Variants in TSGA10 observed in about 807,000 individuals in gnomAD.
The protein encoded by TSGA10 is testis specific 10.
In TSGA10, 43 loss-of-function variants were observed where a neutral mutation model predicts 96.6. That is an observed-to-expected ratio of 0.44 (90% CI 0.35 to 0.57). The LOEUF is 0.57. TSGA10 is among the 20% of genes least tolerant of loss of function. The probability of loss-of-function intolerance (pLI) is 0.01; values close to 1 mark genes in which losing one functional copy is unlikely to be tolerated. For missense variants in TSGA10, 703 were observed against 834.4 expected, an observed-to-expected ratio of 0.84 and a Z score of 1.94; for synonymous variants, 229 against 269.9, an observed-to-expected ratio of 0.85 and a Z score of 1.48.
At chr2:99,028,898 T>C (rs2080892095) in intron 17 of TSGA10, among the ~76,000 whole-genome samples, 1 of 152,222 alleles carries the variant, frequency 6.6e-6, no homozygotes, top group East Asian at 1.9e-4. Flanking sequence ...AAGGATATAA[T>C]GCAAAATGTG....
intron 17 of TSGA10, among the ~76,000 whole-genome samples, chr2:99,024,977 T>G (rs972113723): frequency 6.6e-6 from 1 of 152,250 alleles, no homozygotes; most frequent in Non-Finnish European, 1.5e-5. Flanking sequence ...CCAGCATTCA[T>G]GGAATAAACC....
At chr2:99,117,465 G>A (rs1212443720) in intron 4 of TSGA10, 79 bp downstream of exon 4, 21 of 612,014 alleles carry the variant, frequency 3.4e-5, no homozygotes, top group Non-Finnish European at 4.3e-5. Context: ...AAATGAGAAT[G>A]CTACTTTTTC....
At chr2:99,117,268 G>C (rs536822638) in intron 4 of TSGA10, 1 of 152,216 alleles carries the variant, frequency 6.6e-6, no homozygotes, top group African/African-American at 2.4e-5. Flanking sequence ...AGAGGAATTG[G>C]GAAGTGGGAG....
intron 10 of TSGA10, among the ~76,000 whole-genome samples, chr2:99,090,498 C>A (rs1280976146): frequency 1.3e-5 from 2 of 151,970 alleles, no homozygotes; most frequent in South Asian, 4.2e-4. Context: ...CAGAAAAGGG[C>A]AAAGTGTAAT....
intron 10 of TSGA10, among the ~76,000 whole-genome samples, chr2:99,099,996 A>C (rs2090508380): frequency 6.6e-6 from 1 of 152,196 alleles, no homozygotes. Context: ...ACCTCTCTAC[A>C]CACAAAAAAT....
At chr2:99,119,524 T>G (rs1198551612) in intron 2 of TSGA10, among the ~76,000 whole-genome samples, 3 of 152,164 alleles carry the variant, frequency 2.0e-5, no homozygotes, top group Non-Finnish European at 4.4e-5. Flanking sequence ...TTAGGGGAGT[T>G]ATTGAAATGT....
chr2:99,074,953 C>CAA (rs747521749), intron 12 of TSGA10, among the ~76,000 whole-genome samples: 5 of 110,996 alleles, frequency 4.5e-5, no homozygotes, highest in Non-Finnish European at 7.7e-5. Context: ...GACTCCGTCT[C>CAA]AAAAAAAAAA....
chr2:99,107,025 G>A (rs529609771), intron 7 of TSGA10, among the ~76,000 whole-genome samples: 2 of 152,218 alleles, frequency 1.3e-5, no homozygotes, highest in South Asian at 2.1e-4. Flanking sequence ...ACCTGAGTGT[G>A]CTATCATTAT....
intron 20 of TSGA10, among the ~76,000 whole-genome samples, chr2:99,007,386 T>C (rs2078596969): frequency 6.6e-6 from 1 of 152,130 alleles, no homozygotes; most frequent in African/African-American, 2.4e-5. Context: ...GAGATATATT[T>C]AAAATGCAGT....
chr2:99,081,151 T>C lies in TSGA10; in HGVS notation c.727+131A>G, dbSNP rs1205517574. ...GTCAAAGAAAAATGAATTTCTCTAC[T>C]ATTTTTTATTCATAAACTTAGTTAA... On this transcript the variant is annotated intron_variant, in intron 11 of 20. Coordinates refer to ENST00000393483, the MANE Select transcript of TSGA10 (RefSeq NM_025244.4). 1.6e-5 allele frequency: 7 copies of C among 429,486 alleles called. No individual in the cohort carries two copies. The East Asian group carries it at 2.3e-4, about 14-fold the overall frequency. The allele number at this position is 429,486 out of a possible 1,614,324, so 26.6% of individuals were successfully genotyped here. A position where few individuals can be genotyped will look rare whatever the true frequency, so the allele number is the denominator to read the frequency against.
chr2:99,078,271 GAAA>G (rs200891345), intron 12 of TSGA10, among the ~76,000 whole-genome samples: 2 of 81,462 alleles, frequency 2.5e-5, no homozygotes, highest in Admixed American at 1.4e-4. Context: ...ACTCCCGTTT[GAAA>G]AAAAAAAAAA....
Position 99,108,813 on chromosome 2 carries a change from T to C in TSGA10, c.210+20A>G. The stretch of plus-strand genomic sequence containing the variant: ...GAACTCAATGTTATTACTTATATAA[T>C]TTGTTTTTTGTAAGTTTACCTGTTC... On this transcript the variant is annotated intron_variant, in intron 7 of 20. Coordinates refer to ENST00000393483, the MANE Select transcript of TSGA10 (RefSeq NM_025244.4). 6.6e-7 allele frequency: 1 copy of C among 1,504,864 alleles called. No individual in the cohort carries two copies. The allele number at this position is 1,504,864 out of a possible 1,614,324, so 93.2% of individuals were successfully genotyped here.
intron 4 of TSGA10, among the ~76,000 whole-genome samples, chr2:99,113,752 G>C (rs1375783623): frequency 2.0e-5 from 3 of 150,298 alleles, no homozygotes; most frequent in Admixed American, 2.0e-4. Context: ...TCATCATATT[G>C]GTCAGGCTGG....
At chr2:99,144,298 G>T (rs1292502857) in intron 1 of TSGA10, among the ~76,000 whole-genome samples, 1 of 152,022 alleles carries the variant, frequency 6.6e-6, no homozygotes, top group Non-Finnish European at 1.5e-5. Context: ...TGGGATTACA[G>T]GCATGAGCCA....
intron 16 of TSGA10, among the ~76,000 whole-genome samples, chr2:99,059,913 C>CAAAA (rs35460548): frequency 3.7e-5 from 2 of 54,440 alleles, no homozygotes; most frequent in Admixed American, 2.0e-4. Context: ...GACCCCATCT[C>CAAAA]AAAAAAAAAA....
intron 1 of TSGA10, among the ~76,000 whole-genome samples, chr2:99,140,205 T>C (rs975368469): frequency 6.6e-6 from 1 of 152,254 alleles, no homozygotes; most frequent in African/African-American, 2.4e-5. Flanking sequence ...CTGAAGAGTT[T>C]GGCTCATTAA....
chr2:99,005,875 T>C (rs961217845), intron 20 of TSGA10, among the ~76,000 whole-genome samples: 1 of 152,030 alleles, frequency 6.6e-6, no homozygotes, highest in Non-Finnish European at 1.5e-5. Flanking sequence ...AGGCATCACG[T>C]TACCTGACTT....
At chr2:99,047,072 C>T (rs149228697) in intron 16 of TSGA10, among the ~76,000 whole-genome samples, 2 of 152,040 alleles carry the variant, frequency 1.3e-5, no homozygotes, top group Admixed American at 1.3e-4. Context: ...GAAATTGAGG[C>T]AATAATTAAT....
rs570287736 is a variant in TSGA10, at chr2:99,134,019, TTC to T, written c.-620-6845_-620-6844del. Among the ~76,000 whole-genome samples, 26 of 152,350 alleles carry T rather than the reference TTC, an allele frequency of 1.7e-4. 1 individual carries two copies. In the South Asian group the frequency reaches 4.8e-3, roughly 28 times the overall value. On this transcript the variant is annotated intron_variant, in intron 1 of 20. Coordinates refer to ENST00000393483, the MANE Select transcript of TSGA10 (RefSeq NM_025244.4). ...TTTCTCTCTGTCTGCCCTTAACATTTTCTCTTTCATTTCAGCCTTGGTGAATC... is the reference window on the plus strand; with the variant it reads ...TTTCTCTCTGTCTGCCCTTAACATTTTCTTTCATTTCAGCCTTGGTGAATC...
Sources: gnomAD v4.1 joint callset for allele counts (sites outside exome capture counted in the v4.1 genomes callset) on GRCh38, gnomAD v4.1.1 for gene constraint, MANE v1.5 for transcripts, NCBI Gene and HGNC (gene_info 2026-07-23, HGNC 2026-07-21) for gene names.